Variants in SACS observed in about 807,000 individuals in gnomAD.
SACS encodes the protein sacsin.
Under a neutral mutation model 348.0 loss-of-function variants are expected in SACS, and 197 were observed. That is an observed-to-expected ratio of 0.57 (90% CI 0.50 to 0.64). SACS has a LOEUF of 0.64. Ranked by LOEUF, SACS falls within the 30% of genes least tolerant of loss-of-function variation. The probability of loss-of-function intolerance (pLI) is 0.00; values close to 1 mark genes in which losing one functional copy is unlikely to be tolerated. For missense variants in SACS, 4,999 were observed against 5,360.8 expected, an observed-to-expected ratio of 0.93 and a Z score of 2.11; for synonymous variants, 1,985 against 1,910.6, an observed-to-expected ratio of 1.04 and a Z score of -1.02.
rs768520257 is a variant in SACS at position 23,411,223 on chromosome 13, T to C, written c.17A>G (p.Asn6Ser). The C allele has an allele frequency of 1.2e-6, 2 of 1,606,228 alleles. No individual in the cohort carries two copies. Among genetic ancestry groups the C allele is most frequent in the Non-Finnish European group, 1.7e-6 (2 of 1,172,876 alleles). METKE[N>S]RWVPVTVLPG... ...TTTAAAACATTAACTCATTTACCTG[T>C]TCTCCTTGGTCTCCATGATCACTTC... The change falls in exon 2 of 10, where the codon AAC becomes AGC. Residue 6 changes from asparagine to serine, a missense_variant. Physicochemically the swap from Asn to Ser is conservative, Grantham distance 46. Transcript: ENST00000382292.
chr13:23,397,284 T>C (rs1430406677), intron 2 of SACS, among the ~76,000 whole-genome samples: 1 of 152,206 alleles, frequency 6.6e-6, no homozygotes, highest in East Asian at 1.9e-4. Flanking sequence ...AGTAATTTTG[T>C]TCTAAAGTAA....
At position 23,374,322 on chromosome 13, in the gene SACS, TCAC is replaced by T. The variant is rs577128867; in HGVS notation, c.171+794_171+796del. ...GGAAAAATCACAGATACCAACTACTTCACCAATAATATTTGTATCGAGTAGTAA... is the reference window on the plus strand; with the variant it reads ...GGAAAAATCACAGATACCAACTACTTCAATAATATTTGTATCGAGTAGTAA... On this transcript the variant is annotated intron_variant, in intron 3 of 9. Transcript: ENST00000382292. Among the ~76,000 whole-genome samples, 19 of 152,304 alleles carry T rather than the reference TCAC, an allele frequency of 1.2e-4. No homozygotes were observed. The East Asian group carries it at 3.5e-3, about 28-fold the overall frequency.
rs760377951 is a variant in SACS, at chr13:23,332,954, G to A, written c.10922C>T (p.Ser3641Phe). 2 of 1,613,868 alleles carry A rather than the reference G, an allele frequency of 1.2e-6. No homozygotes were observed. Among genetic ancestry groups the A allele is most frequent in the Non-Finnish European group, 1.7e-6 (2 of 1,179,888 alleles). ...HIFQERMDLL[S>F]GNFLKELSLI... ...AGATAGTTCTTTCAGAAAATTTCCA[G>A]ATAACAAATCCATTCGTTCTTGGAA... Residue 3641 changes from serine to phenylalanine, a missense_variant, in exon 10 of 10, where the codon TCT becomes TTT. Physicochemically the swap from Ser to Phe is radical, Grantham distance 155. This residue lies in a region of SACS where 831 missense variants were observed against 941.8 expected (regional missense o/e 0.88). Coordinates refer to ENST00000382292, the MANE Select transcript of SACS (RefSeq NM_014363.6).
rs1251971926 is a variant in SACS at position 23,340,294 on chromosome 13, G to A, written c.3582C>T (p.Leu1194=). 6.2e-7 allele frequency: 1 copy of A among 1,613,878 alleles called. No homozygotes were observed. Among genetic ancestry groups the A allele is most frequent in the Admixed American group, 1.7e-5 (1 of 59,998 alleles). Residue 1194 remains leucine (L), a synonymous_variant, in exon 10 of 10, where the codon CTC becomes CTT. Transcript: ENST00000382292. ...CAACAAGAGGAAGTGAGGAGCCAAT[G>A]AGAATTGCATGGCCTACATCACACA... ...PDMCDVGHAI[L]IGSSLPLVES...
intron 7 of SACS, 33 bp downstream of exon 7, chr13:23,358,302 C>T: frequency 6.2e-7 from 1 of 1,604,222 alleles, no homozygotes; most frequent in Non-Finnish European, 8.5e-7. Context: ...ATAATATTTT[C>T]TAATACCAAG....
intron 3 of SACS, among the ~76,000 whole-genome samples, chr13:23,374,317 C>CT (rs1343425004): frequency 6.6e-6 from 1 of 152,204 alleles, no homozygotes; most frequent in African/African-American, 2.4e-5. Flanking sequence ...CAGATACCAA[C>CT]TACTTCACCA....
chr13:23,375,104 C>A lies in SACS; in HGVS notation c.171+15G>T, dbSNP rs1347173570. On this transcript the variant is annotated intron_variant, in intron 3 of 9. Transcript: ENST00000382292. The stretch of plus-strand genomic sequence containing the variant: ...CGTGGCGGAGCCCAGCCCAGCGCCC[C>A]CGGCCACCGCCTACCTCGCGGCCGC... The A allele has an allele frequency of 2.0e-6, 3 of 1,488,944 alleles. No homozygotes were observed. Among genetic ancestry groups the A allele is most frequent in the Non-Finnish European group, 1.8e-6 (2 of 1,119,524 alleles). 92.2% of individuals were successfully genotyped at this position (1,488,944 alleles called of 1,614,324 possible). A position where few individuals can be genotyped will look rare whatever the true frequency, so the allele number is the denominator to read the frequency against.
Position 23,336,901 on chromosome 13 carries a change from T to G in SACS, c.6975A>C (p.Glu2325Asp). Residue 2325 changes from glutamate (E) to aspartate (D), a missense_variant, in exon 10 of 10, where the codon GAA becomes GAC. This residue lies in a region of SACS where 3,156 missense variants were observed against 3,380.1 expected (regional missense o/e 0.93). Transcript: ENST00000382292. ...TAGTGATTTCATTTTGCATCAAGGCTTCATGAAGGTATTTGTAGCAAGCAT... is the reference window on the plus strand; with the variant it reads ...TAGTGATTTCATTTTGCATCAAGGCGTCATGAAGGTATTTGTAGCAAGCAT... Reference protein sequence around the residue: ...ITNACYKYLHEALMQNEITKM... With the variant: ...ITNACYKYLHDALMQNEITKM... The G allele has an allele frequency of 6.2e-7, 1 of 1,613,808 alleles. No homozygotes were observed.
Position 23,355,114 on chromosome 13 carries a change from C to T in SACS, c.1498G>A (p.Val500Ile), listed in dbSNP as rs1244967438. Residue 500 changes from valine (V) to isoleucine (I), a missense_variant, in exon 8 of 10, where the codon GTT becomes ATT. Physicochemically the swap from Val to Ile is conservative, Grantham distance 29. Around this residue, in one of 6 missense-constraint regions of SACS, gnomAD observed 3,156 missense variants for 3,380.1 expected, o/e 0.93. Coordinates refer to ENST00000382292, the MANE Select transcript of SACS (RefSeq NM_014363.6). ...AGAGTAGCATAAGCTTTGGGGACAA[C>T]ATTCATGACAAGAAACTCATTCCAT... is the stretch of plus-strand genomic sequence containing the variant. ...ALWNEFLVMN[V>I]VPKAYATLIL... 17 of 1,614,082 alleles carry T rather than the reference C, an allele frequency of 1.1e-5. No individual in the cohort carries two copies. In the South Asian group the frequency reaches 1.9e-4, roughly 18 times the overall value.
intron 3 of SACS, among the ~76,000 whole-genome samples, chr13:23,372,666 C>A (rs1183854771): frequency 6.6e-6 from 1 of 152,192 alleles, no homozygotes; most frequent in Non-Finnish European, 1.5e-5. Context: ...TGCCTTATGT[C>A]TCACCAACAG....
intron 2 of SACS, among the ~76,000 whole-genome samples, chr13:23,389,794 T>A (rs1318708371): frequency 1.3e-5 from 2 of 152,228 alleles, no homozygotes; most frequent in African/African-American, 2.4e-5. Flanking sequence ...ATCATTTTCT[T>A]CTACTGTGAG....
rs1426914211 is a variant in SACS at position 23,329,662 on chromosome 13, G to A, written c.*474C>T. 3 of 526,156 alleles carry A rather than the reference G, an allele frequency of 5.7e-6. No homozygotes were observed. The highest frequency in any genetic ancestry group is 9.9e-6 in the Non-Finnish European group (3 of 303,238). 32.6% of individuals were successfully genotyped at this position (526,156 alleles called of 1,614,324 possible). A position where few individuals can be genotyped will look rare whatever the true frequency, so the allele number is the denominator to read the frequency against. On this transcript the variant is annotated 3_prime_UTR_variant, in exon 10 of 10. Transcript: ENST00000382292. ...AACAAATTCATGATCAGAGCCAGCTGATGAGAAAATAACGCATCCAAGAGG... is the reference window on the plus strand; with the variant it reads ...AACAAATTCATGATCAGAGCCAGCTAATGAGAAAATAACGCATCCAAGAGG...
Position 23,355,418 on chromosome 13 carries a change from C to T in SACS, c.1194G>A (p.Val398=). 1 of 1,614,176 alleles carries T rather than the reference C, an allele frequency of 6.2e-7. No individual in the cohort carries two copies. Among genetic ancestry groups the T allele is most frequent in the South Asian group, 1.1e-5 (1 of 91,082 alleles). Residue 398 remains valine, a synonymous_variant, in exon 8 of 10, where the codon GTG becomes GTA. Coordinates refer to ENST00000382292, the MANE Select transcript of SACS (RefSeq NM_014363.6). ...QKTSWLVCNS[V]GGRGISSKLD... is the part of the protein sequence containing the mutation. ...GCTTACTACTGATCCCTCGCCCACC[C>T]ACACTGTTACACACCAACCAAGATG...
In SACS at chr13:23,329,584, G is replaced by A; in HGVS notation, c.*552C>T. The A allele has an allele frequency of 1.7e-6, 1 of 588,070 alleles. No individual in the cohort carries two copies. The highest frequency in any genetic ancestry group is 3.0e-6 in the Non-Finnish European group (1 of 333,902). 36.4% of individuals were successfully genotyped at this position (588,070 alleles called of 1,614,324 possible). ...CCTTCACACTCTTAGTCAAGTAATA[G>A]GATTAAAATACTCTACCATTTCTTA... On this transcript the variant is annotated 3_prime_UTR_variant, in exon 10 of 10. Coordinates refer to ENST00000382292, the MANE Select transcript of SACS (RefSeq NM_014363.6).
chr13:23,422,324 ACC>A (rs1873985493), intron 1 of SACS, among the ~76,000 whole-genome samples: 6 of 152,194 alleles, frequency 3.9e-5, no homozygotes, highest in African/African-American at 1.4e-4. Context: ...ACTGAATGTA[ACC>A]TGTGTTTTTA....
At position 23,340,764 on chromosome 13, in the gene SACS, T is replaced by G. The variant is rs1409834530; in HGVS notation, c.3112A>C (p.Lys1038Gln). 3 of 1,606,238 alleles carry G rather than the reference T, an allele frequency of 1.9e-6. No individual in the cohort carries two copies. The highest frequency in any genetic ancestry group is 2.2e-5 in the South Asian group (2 of 89,432). The part of the protein sequence containing the change: ...PNVLEWLTPL[K>Q]FIQISQEQMV... Reference sequence around the variant, plus strand: ...TGTTCCTGTGATATCTGGATGAATTTTAATGGTGTTAACCACTCAAGCACA... The same window carrying G: ...TGTTCCTGTGATATCTGGATGAATTGTAATGGTGTTAACCACTCAAGCACA... The change falls in exon 10 of 10, where the codon AAA (lysine) becomes CAA (glutamine). Residue 1038 changes from lysine (K) to glutamine (Q), a missense_variant. Lys to Gln is a moderately conservative substitution (Grantham distance 53). This residue lies in a region of SACS where 3,156 missense variants were observed against 3,380.1 expected (regional missense o/e 0.93). Coordinates refer to ENST00000382292, the MANE Select transcript of SACS (RefSeq NM_014363.6).
In SACS at chr13:23,340,866, A is replaced by C; in HGVS notation, c.3010T>G (p.Tyr1004Asp). The C allele has an allele frequency of 6.2e-7, 1 of 1,608,414 alleles. No homozygotes were observed. The highest frequency in any genetic ancestry group is 8.5e-7 in the Non-Finnish European group (1 of 1,175,818). Residue 1004 changes from tyrosine (Y) to aspartate (D), a missense_variant, in exon 10 of 10, where the codon TAT becomes GAT. By Grantham distance (160) the Tyr-to-Asp change is radical. Around this residue, in one of 6 missense-constraint regions of SACS, gnomAD observed 3,156 missense variants for 3,380.1 expected, o/e 0.93. Transcript: ENST00000382292. The part of the protein sequence containing the change: ...LVLKDIENAF[Y>D]SHEEVTQLML... Reference sequence around the variant, plus strand: ...AGCTGTGTTACCTCTTCATGTGAATAAAATGCATTTTCAATATCTTTTAAA... The same window carrying C: ...AGCTGTGTTACCTCTTCATGTGAATCAAATGCATTTTCAATATCTTTTAAA...
At chr13:23,431,381 C>T (rs17078767) in intron 1 of SACS, among the ~76,000 whole-genome samples, 3,755 of 152,232 alleles carry the variant, frequency 0.025, 65 homozygotes, top group African/African-American at 0.041. Flanking sequence ...AGGGGTGAAA[C>T]GGCCTCTCCT....
chr13:23,400,663 G>A (rs955268097), intron 2 of SACS, among the ~76,000 whole-genome samples: 10 of 152,140 alleles, frequency 6.6e-5, no homozygotes, highest in Non-Finnish European at 1.2e-4. Flanking sequence ...CTCGTGATCC[G>A]CCCGCCTCGG....
Sources: gnomAD v4.1 joint callset for allele counts (sites outside exome capture counted in the v4.1 genomes callset) on GRCh38, gnomAD v4.1.1 for gene constraint, gnomAD v4.1.1 regional missense constraint, MANE v1.5 for transcripts, NCBI Gene and HGNC (gene_info 2026-07-23, HGNC 2026-07-21) for gene names.